Variants in PRICKLE2 observed in about 807,000 individuals in gnomAD.
The protein encoded by PRICKLE2 is prickle-like protein 2.
A neutral mutation model predicts 81.4 loss-of-function variants in PRICKLE2; 21 were observed. The ratio of observed to expected loss-of-function variants is 0.26; its 90% CI spans 0.18 to 0.37. The LOEUF (loss-of-function observed/expected upper bound fraction) is 0.37. Among genes scored for constraint, PRICKLE2 ranks in the 10% least tolerant of loss-of-function variants. The probability of loss-of-function intolerance (pLI) is 1.00; values close to 1 mark genes in which losing one functional copy is unlikely to be tolerated. For synonymous variants in PRICKLE2, 456 were observed against 421.5 expected, an observed-to-expected ratio of 1.08 and a Z score of -1.00; for missense variants, 940 against 1,109.0, an observed-to-expected ratio of 0.85 and a Z score of 2.16.
At chr3:64,259,963 C>G (rs571577777) in intron 2 of PRICKLE2, among the ~76,000 whole-genome samples, 1 of 152,254 alleles carries the variant, frequency 6.6e-6, no homozygotes, top group South Asian at 2.1e-4. Flanking sequence ...GAAATGAACA[C>G]TCTCCCTAAG....
chr3:64,257,855 C>T (rs984289066), intron 2 of PRICKLE2, among the ~76,000 whole-genome samples: 1 of 152,084 alleles, frequency 6.6e-6, no homozygotes, highest in Non-Finnish European at 1.5e-5. Flanking sequence ...GAAGATGGGG[C>T]TTTTGGGAGG....
chr3:64,127,975 T>C (rs145910719), intron 7 of PRICKLE2, among the ~76,000 whole-genome samples: 2,029 of 152,170 alleles, frequency 0.013, 28 homozygotes, highest in Middle Eastern at 0.031. Context: ...GGCAGATTTA[T>C]TGAACAGCTG....
chr3:64,099,687 C>T lies in PRICKLE2; in HGVS notation c.1899G>A (p.Leu633=). The T allele has an allele frequency of 6.2e-7, 1 of 1,614,206 alleles. No individual in the cohort carries two copies. Among genetic ancestry groups the T allele is most frequent in the African/African-American group, 1.3e-5 (1 of 75,064 alleles). ...QLSNPIGYRD[L]QSHGRMHQSF... ...TCTGATGCATCCTTCCGTGGGACTG[C>T]AGGTCTCTGTAGCCAATGGGGTTGC... The change falls in exon 8 of 8, where the codon CTG becomes CTA. Residue 633 remains leucine, a synonymous_variant. Transcript: ENST00000638394. This position sits in a 1 kb window ranked among gnomAD's most constrained non-coding sequence, Gnocchi z 4.3.
At chr3:64,114,539 G>T (rs1120963) in intron 7 of PRICKLE2, among the ~76,000 whole-genome samples, 8,456 of 151,996 alleles carry the variant, frequency 0.056, 580 homozygotes, top group East Asian at 0.28. Flanking sequence ...ACTGACCTTA[G>T]AGAGCTAAAA....
intron 1 of PRICKLE2, 41 bp from the exon 2 acceptor site, chr3:64,199,008 C>G: frequency 1.9e-6 from 3 of 1,585,002 alleles, no homozygotes; most frequent in Non-Finnish European, 2.6e-6. Flanking sequence ...GAGGAAAAAA[C>G]CTTTTTTTTT....
At chr3:64,220,275 C>T (rs905924314) in intron 1 of PRICKLE2, among the ~76,000 whole-genome samples, 3 of 152,082 alleles carry the variant, frequency 2.0e-5, no homozygotes, top group African/African-American at 4.8e-5. Flanking sequence ...GAATTTCTGC[C>T]CTGGCTACCC....
chr3:64,106,989 G>GT (rs961453495), intron 7 of PRICKLE2, among the ~76,000 whole-genome samples: 2 of 152,204 alleles, frequency 1.3e-5, no homozygotes, highest in African/African-American at 4.8e-5. Context: ...AACAGAGAGG[G>GT]TTTTTCCCTG....
chr3:64,206,537 C>T (rs769363493), intron 1 of PRICKLE2, among the ~76,000 whole-genome samples: 1 of 152,190 alleles, frequency 6.6e-6, no homozygotes, highest in Non-Finnish European at 1.5e-5. Flanking sequence ...CTACATCAGA[C>T]ATGAGAATAG....
intron 2 of PRICKLE2, among the ~76,000 whole-genome samples, chr3:64,263,096 A>G (rs1262810194): frequency 3.3e-5 from 5 of 152,250 alleles, no homozygotes; most frequent in African/African-American, 1.2e-4. Context: ...GATGTAAAAC[A>G]TCGTATGTTC....
chr3:64,168,162 T>C (rs947576029), intron 2 of PRICKLE2, among the ~76,000 whole-genome samples: 11 of 152,136 alleles, frequency 7.2e-5, no homozygotes, highest in Admixed American at 7.2e-4. Flanking sequence ...GGTGGCAACA[T>C]TTTCCTTATC....
chr3:64,242,016 T>C (rs6804747), intron 2 of PRICKLE2, among the ~76,000 whole-genome samples: 78,886 of 151,894 alleles, frequency 0.52, 22,166 homozygotes, highest in Non-Finnish European at 0.62. Context: ...CCTCCATGTA[T>C]ATTATTTCGC....
intron 2 of PRICKLE2, among the ~76,000 whole-genome samples, chr3:64,238,990 A>T (rs551610794): frequency 2.0e-5 from 3 of 151,920 alleles, no homozygotes; most frequent in African/African-American, 7.3e-5. Flanking sequence ...CTGCCTGTTT[A>T]TTCTTCTAGC....
chr3:64,184,580 C>G (rs957233080), intron 2 of PRICKLE2, among the ~76,000 whole-genome samples: 1 of 152,132 alleles, frequency 6.6e-6, no homozygotes, highest in Non-Finnish European at 1.5e-5. Context: ...CTCAAGCAAT[C>G]TGCCAGCTTC....
intron 7 of PRICKLE2, among the ~76,000 whole-genome samples, chr3:64,105,419 C>G (rs2076739115): frequency 6.6e-6 from 1 of 152,196 alleles, no homozygotes; most frequent in African/African-American, 2.4e-5. Context: ...GTGCTCAATA[C>G]ATACTCATGG....
At chr3:64,191,126 G>T (rs893329903) in intron 2 of PRICKLE2, among the ~76,000 whole-genome samples, 1 of 152,064 alleles carries the variant, frequency 6.6e-6, no homozygotes, top group Non-Finnish European at 1.5e-5. Context: ...TTCCCATATT[G>T]GCAGAATTCA....
Position 64,092,980 on chromosome 3 carries a change from T to A in PRICKLE2, c.*6071A>T, listed in dbSNP as rs1045398175. ...CAACCCGTCTCCAGAACTCTTTTCA[T>A]CTTGCCATAATGAAACTCTATACCC... On this transcript the variant is annotated 3_prime_UTR_variant, in exon 8 of 8. Transcript: ENST00000638394. The A allele has an allele frequency of 6.6e-6, 1 of 152,482 alleles. No individual in the cohort carries two copies. The highest frequency in any genetic ancestry group is 2.1e-4 in the South Asian group (1 of 4,838). The allele number at this position is 152,482 out of a possible 1,614,324, so 9.4% of individuals were successfully genotyped here. A position where few individuals can be genotyped will look rare whatever the true frequency, so the allele number is the denominator to read the frequency against.
chr3:64,253,851 T>C (rs1262653311), intron 2 of PRICKLE2, among the ~76,000 whole-genome samples: 2 of 152,196 alleles, frequency 1.3e-5, no homozygotes, highest in Non-Finnish European at 2.9e-5. Context: ...GCGTGGAATG[T>C]GCATGAGATC....
intron 7 of PRICKLE2, among the ~76,000 whole-genome samples, chr3:64,130,002 T>C (rs945543879): frequency 2.0e-5 from 3 of 152,138 alleles, no homozygotes; most frequent in African/African-American, 7.2e-5. Context: ...GAGTTTTTAT[T>C]TTATGGACAG....
intron 1 of PRICKLE2, among the ~76,000 whole-genome samples, chr3:64,211,115 T>C (rs2078779107): frequency 6.6e-6 from 1 of 152,132 alleles, no homozygotes; most frequent in African/African-American, 2.4e-5. Context: ...TCAACAGCCA[T>C]TGGTTGAAGA....
Sources: allele counts gnomAD v4.1 joint callset (sites outside exome capture counted in the v4.1 genomes callset), GRCh38; gene constraint gnomAD v4.1.1; non-coding constraint Gnocchi (gnomAD v3.1); transcripts MANE v1.5; gene names NCBI Gene and HGNC (gene_info 2026-07-23, HGNC 2026-07-21).